Variants in PYGB observed in about 807,000 individuals in gnomAD.
PYGB encodes glycogen phosphorylase B.
A neutral mutation model predicts 94.3 loss-of-function variants in PYGB; 82 were observed. That is an observed-to-expected ratio of 0.87 (90% confidence interval 0.73 to 1.04). The LOEUF is 1.04. Among genes scored for constraint, PYGB ranks in the 50% least tolerant of loss-of-function variants. PYGB has a pLI of 0.00. For missense variants in PYGB, 1,132 were observed against 1,158.2 expected (o/e 0.98, Z 0.33); for synonymous variants, 488 against 479.1 (o/e 1.02, Z -0.24).
intron 5 of PYGB, among the ~76,000 whole-genome samples, chr20:25,275,465 A>G (rs1440634065): frequency 6.6e-6 from 1 of 152,112 alleles, no homozygotes; most frequent in Non-Finnish European, 1.5e-5. Flanking sequence ...TGTGATGGAG[A>G]AGGACGGGCA....
chr20:25,291,104 C>G (rs1600742244), intron 16 of PYGB, among the ~76,000 whole-genome samples: 1 of 152,316 alleles, frequency 6.6e-6, no homozygotes, highest in Admixed American at 6.5e-5. Context: ...CCAGCTTCCC[C>G]CAACTCCACT....
At position 25,292,461 on chromosome 20, in the gene PYGB, A is replaced by G. The variant is rs948466210; in HGVS notation, c.2025A>G (p.Ser675=). 6.2e-7 allele frequency: 1 copy of G among 1,613,514 alleles called. No homozygotes were observed. Among genetic ancestry groups the G allele is most frequent in the Non-Finnish European group, 8.5e-7 (1 of 1,179,996 alleles). ...TCTCCACTGCAGGCACCGAGGCCTCAGGCACAGGCAACATGAAGTTCATGC... is the reference window on the plus strand; with the variant it reads ...TCTCCACTGCAGGCACCGAGGCCTCGGGCACAGGCAACATGAAGTTCATGC... ...QQISTAGTEA[S]GTGNMKFMLN... Residue 675 remains serine, a synonymous_variant, in exon 17 of 20, where the codon TCA becomes TCG. Coordinates refer to ENST00000216962, the MANE Select transcript of PYGB (RefSeq NM_002862.4).
At chr20:25,279,000 C>T in intron 8 of PYGB, 57 bp from the exon 9 acceptor site, 1 of 1,527,612 alleles carries the variant, frequency 6.5e-7, no homozygotes, top group Non-Finnish European at 8.9e-7. Flanking sequence ...ATGCCAACAA[C>T]CGTGGGTGCC....
intron 11 of PYGB, among the ~76,000 whole-genome samples, chr20:25,281,394 TG>T (rs887545957): frequency 1.3e-5 from 2 of 152,178 alleles, no homozygotes; most frequent in Non-Finnish European, 2.9e-5. Context: ...CCTGCCTTCC[TG>T]GGGGTCCAGT....
chr20:25,277,318 AATG>A lies in PYGB; in HGVS notation c.850_852del (p.Asp284del). ...GAACATCTCCAGGGTCCTGTATCCA[AATG>A]ATAACGTGAGTAGCTGGCCTGGGCA... On this transcript the variant is annotated inframe_deletion, in exon 7 of 20. Transcript: ENST00000216962. 6.4e-7 allele frequency: 1 copy of A among 1,563,596 alleles called. No individual in the cohort carries two copies. Among genetic ancestry groups the A allele is most frequent in the Non-Finnish European group, 8.8e-7 (1 of 1,134,100 alleles).
intron 4 of PYGB, among the ~76,000 whole-genome samples, chr20:25,273,621 A>AG (rs2088285357): frequency 6.6e-6 from 1 of 152,152 alleles, no homozygotes; most frequent in South Asian, 2.1e-4. Context: ...CTTCTGTGCA[A>AG]GGGTGGCTCG....
intron 10 of PYGB, 53 bp downstream of exon 10, chr20:25,280,465 G>A (rs1357228614): frequency 4.4e-6 from 7 of 1,589,744 alleles, no homozygotes; most frequent in South Asian, 1.1e-5. Context: ...CCATGCCAAC[G>A]GCCCCCCACC....
rs200544574 is a variant in PYGB, at chr20:25,296,438, G to A, written c.2448G>A (p.Arg816=). The change falls in exon 20 of 20, where the codon CGG becomes CGA. Residue 816 remains arginine, a synonymous_variant. Coordinates refer to ENST00000216962, the MANE Select transcript of PYGB (RefSeq NM_002862.4). The part of the protein sequence containing the change: ...IACSGKFSSD[R]TITEYAREIW... ...GCTCGGGCAAGTTCTCCAGTGACCG[G>A]ACCATCACGGAGTATGCACGGGAGA... The A allele has an allele frequency of 1.1e-5, 17 of 1,614,038 alleles. No homozygotes were observed. Among genetic ancestry groups the A allele is most frequent in the Non-Finnish European group, 1.4e-5 (16 of 1,180,028 alleles).
rs1290312841 is a variant in PYGB, at chr20:25,294,152, TCA to T, written c.2178-3_2178-2del. On this transcript the variant is annotated splice_region_variant and splice_polypyrimidine_tract_variant and intron_variant, in intron 17 of 19. Coordinates refer to ENST00000216962, the MANE Select transcript of PYGB (RefSeq NM_002862.4). The stretch of plus-strand genomic sequence containing the variant: ...GGCTGCTGACTCCTGGCCCATCGCC[TCA>T]CAGGTACAATGCCAGGGAGTACTAC... 1.9e-6 allele frequency: 3 copies of T among 1,613,154 alleles called. No individual in the cohort carries two copies. Among genetic ancestry groups the T allele is most frequent in the Non-Finnish European group, 2.5e-6 (3 of 1,179,952 alleles).
rs142812907 is a variant in PYGB at position 25,281,031 on chromosome 20, A to C, written c.1322A>C (p.Asn441Thr). 6 of 1,614,196 alleles carry C rather than the reference A, an allele frequency of 3.7e-6. No individual in the cohort carries two copies. The highest frequency in any genetic ancestry group is 5.1e-6 in the Non-Finnish European group (6 of 1,180,024). The change falls in exon 11 of 20, where the codon AAC becomes ACC. Residue 441 changes from asparagine (N) to threonine (T), a missense_variant. By Grantham distance (65) the Asn-to-Thr change is moderately conservative (BLOSUM62 0). Coordinates refer to ENST00000216962, the MANE Select transcript of PYGB (RefSeq NM_002862.4). ...GAGGAGGGGGACTGCAAGCGGATCA[A>C]CATGGCCCACCTGTGTGTGATTGGG... ...VIEEGDCKRI[N>T]MAHLCVIGSH...
At chr20:25,253,235 T>C (rs2092893250) in intron 1 of PYGB, among the ~76,000 whole-genome samples, 2 of 152,182 alleles carry the variant, frequency 1.3e-5, no homozygotes, top group Admixed American at 1.3e-4. Flanking sequence ...CCCCACTCTG[T>C]AGGTTGTGGC....
At chr20:25,257,362 T>C (rs1447279898) in intron 1 of PYGB, among the ~76,000 whole-genome samples, 1 of 152,184 alleles carries the variant, frequency 6.6e-6, no homozygotes, top group African/African-American at 2.4e-5. Context: ...ACCTGGACAA[T>C]TGGAGACGCA....
At chr20:25,294,706 C>T (rs2088512765) in intron 18 of PYGB, 1 of 607,172 alleles carries the variant, frequency 1.6e-6, no homozygotes, top group South Asian at 1.9e-5. Flanking sequence ...GTGCCAGTGA[C>T]AGGCAGTGGT....
At chr20:25,268,805 T>G (rs556599715) in intron 2 of PYGB, among the ~76,000 whole-genome samples, 1 of 152,364 alleles carries the variant, frequency 6.6e-6, no homozygotes, top group South Asian at 2.1e-4. Flanking sequence ...GCTTTTAGGT[T>G]TTAGTTTAAA....
At chr20:25,287,286 A>G (rs1419263473) in intron 14 of PYGB, among the ~76,000 whole-genome samples, 1 of 152,216 alleles carries the variant, frequency 6.6e-6, no homozygotes, top group Admixed American at 6.5e-5. Context: ...CTGCAGGCTG[A>G]TGGCACCACA....
chr20:25,259,389 G>A, intron 2 of PYGB, 51 bp downstream of exon 2: 1 of 1,418,660 alleles, frequency 7.0e-7, no homozygotes, highest in Admixed American at 1.7e-5. Context: ...GGTGCTTTGA[G>A]GTCTGAATCC....
intron 17 of PYGB, 178 bp from the exon 18 acceptor site, chr20:25,293,980 T>A (rs2088500386): frequency 4.2e-6 from 3 of 708,054 alleles, no homozygotes; most frequent in Non-Finnish European, 4.7e-6. Flanking sequence ...CTCGAGCAGG[T>A]CCCTGCTCAA....
chr20:25,294,942 C>T (rs748316078), intron 18 of PYGB: 3 of 1,613,588 alleles, frequency 1.9e-6, no homozygotes, highest in Admixed American at 1.7e-5. Context: ...GTCTGCTGCT[C>T]TTCGATGACC....
At position 25,290,119 on chromosome 20, in the gene PYGB, G is replaced by A. The variant is rs748852884; in HGVS notation, c.1828-362G>A. ...TGTCCGCCGTAGCCTGGCTCTTTCC[G>A]AATGTGTCCCTCCAGTGTGTCCCAG... On this transcript the variant is annotated intron_variant, in intron 15 of 19. Transcript: ENST00000216962. Among the ~76,000 whole-genome samples, 8 of 152,196 alleles carry A rather than the reference G, an allele frequency of 5.3e-5. No individual in the cohort carries two copies. In the South Asian group the frequency reaches 1.2e-3, roughly 24 times the overall value.
Sources: gnomAD v4.1 joint callset for allele counts (sites outside exome capture counted in the v4.1 genomes callset) on GRCh38, gnomAD v4.1.1 for gene constraint, MANE v1.5 for transcripts, NCBI Gene and HGNC (gene_info 2026-07-23, HGNC 2026-07-21) for gene names.